AP2A1: variants seen among roughly 807,000 people sequenced by gnomAD.
AP2A1 encodes the protein AP-2 complex subunit alpha-1.
In AP2A1, 21 loss-of-function variants were observed where a neutral mutation model predicts 107.3. That is an observed-to-expected ratio of 0.20 (90% CI 0.14 to 0.28). AP2A1 has a LOEUF of 0.28. Among genes scored for constraint, AP2A1 ranks in the 10% least tolerant of loss-of-function variants. AP2A1 has a pLI of 1.00. For synonymous variants in AP2A1, 602 were observed against 564.8 expected (o/e 1.07, Z -0.93); for missense variants, 873 against 1,307.7 (o/e 0.67, Z 5.13).
chr19:49,786,750 G>A (rs2084741980), intron 4 of AP2A1, among the ~76,000 whole-genome samples: 1 of 152,198 alleles, frequency 6.6e-6, no homozygotes, highest in Non-Finnish European at 1.5e-5. Context: ...CATCAGCTTG[G>A]GGGAGACAGA....
chr19:49,802,410 C>A, intron 15 of AP2A1: 1 of 1,025,248 alleles, frequency 9.8e-7, no homozygotes, highest in South Asian at 1.4e-5. Flanking sequence ...TTCCTTTTCT[C>A]CTTCTCTCCT....
chr19:49,779,487 C>CAAAAAAAAAAAAAA (rs370114853), intron 1 of AP2A1, among the ~76,000 whole-genome samples: 2 of 83,976 alleles, frequency 2.4e-5, no homozygotes, highest in Admixed American at 1.5e-4. Context: ...GCCTGGGCTA[C>CAAAAAAAAAAAAAA]AAAAAAAAAA....
At chr19:49,794,639 T>C (rs1459371021) in intron 6 of AP2A1, among the ~76,000 whole-genome samples, 1 of 151,998 alleles carries the variant, frequency 6.6e-6, no homozygotes, top group Non-Finnish European at 1.5e-5. Flanking sequence ...AATAGGAGTT[T>C]GCAATGAGGA....
rs773220772 is a variant in AP2A1, at chr19:49,791,965, G to A, written c.504G>A (p.Ala168=). ...GCATGGACAGTGTCAAGCAGAGTGC[G>A]GCCCTGTGCCTCCTTCGACTGTACA... is the stretch of plus-strand genomic sequence containing the variant. The part of the protein sequence containing the change: ...GDSMDSVKQS[A]ALCLLRLYKA... The change falls in exon 5 of 23, where the codon GCG becomes GCA. Residue 168 remains alanine, a synonymous_variant. Transcript: ENST00000354293. The A allele has an allele frequency of 2.5e-6, 4 of 1,611,640 alleles. No homozygotes were observed. Among genetic ancestry groups the A allele is most frequent in the East Asian group, 4.5e-5 (2 of 44,824 alleles).
At chr19:49,792,216 C>T (rs1203232192) in intron 5 of AP2A1, among the ~76,000 whole-genome samples, 152 bp downstream of exon 5, 4 of 145,116 alleles carry the variant, frequency 2.8e-5, no homozygotes, top group Non-Finnish European at 6.1e-5. Context: ...GCCCGGGGCT[C>T]CCACCTCAGC....
chr19:49,798,040 C>G (rs962989920), intron 7 of AP2A1, among the ~76,000 whole-genome samples: 2 of 152,220 alleles, frequency 1.3e-5, no homozygotes, highest in Non-Finnish European at 2.9e-5. Flanking sequence ...CGACTGGGCT[C>G]ATTGCTGCCT....
rs746326128 is a variant in AP2A1, at chr19:49,801,377, C to T, written c.1554-13C>T. On this transcript the variant is annotated splice_polypyrimidine_tract_variant and intron_variant, in intron 12 of 22. Transcript: ENST00000354293. ...TGGAACCTGGCCCCGCTGACACCCA[C>T]TCCTGCACACAGCCCCCCAGTGCAG... is the stretch of plus-strand genomic sequence containing the variant. The T allele has an allele frequency of 1.1e-5, 18 of 1,610,450 alleles. No homozygotes were observed. Among genetic ancestry groups the T allele is most frequent in the Non-Finnish European group, 1.4e-5 (17 of 1,178,184 alleles).
intron 1 of AP2A1, among the ~76,000 whole-genome samples, chr19:49,778,222 A>C (rs2084636702): frequency 6.6e-6 from 1 of 152,160 alleles, no homozygotes; most frequent in Non-Finnish European, 1.5e-5. Flanking sequence ...GTGCTTACAC[A>C]AATTGAGATG....
rs34194805 is a variant in AP2A1, at chr19:49,779,336, C to CA, written c.68-2400dup. Among the ~76,000 whole-genome samples, 548 of 79,406 alleles carry CA rather than the reference C, an allele frequency of 6.9e-3. 4 individuals carry two copies. Among genetic ancestry groups the CA allele is most frequent in the African/African-American group, 9.0e-3 (177 of 19,662 alleles). The allele number at this position is 79,406 out of a possible 152,430, so 52.1% of individuals were successfully genotyped here. ...TGGGTGACACAGTGAGACTCCGTCTCAAAAAAAAAAAAAAAAAAAAATTAG... is the reference window on the plus strand; with the variant it reads ...TGGGTGACACAGTGAGACTCCGTCTCAAAAAAAAAAAAAAAAAAAAAATTAG... On this transcript the variant is annotated intron_variant, in intron 1 of 22. Coordinates refer to ENST00000354293, the MANE Select transcript of AP2A1 (RefSeq NM_130787.3).
At chr19:49,798,750 T>C in intron 7 of AP2A1, 52 bp from the exon 8 acceptor site, 1 of 1,572,294 alleles carries the variant, frequency 6.4e-7, no homozygotes, top group South Asian at 1.2e-5. Flanking sequence ...CCCCAGCAGG[T>C]GTGCCAGGTG....
chr19:49,797,440 C>T (rs1342757490), intron 7 of AP2A1: 2 of 152,118 alleles, frequency 1.3e-5, no homozygotes, highest in African/African-American at 2.4e-5. Context: ...ATATGTTGTT[C>T]TGGGCCAGGC....
chr19:49,773,158 G>A (rs1047597070), intron 1 of AP2A1, among the ~76,000 whole-genome samples: 3 of 152,170 alleles, frequency 2.0e-5, no homozygotes, highest in African/African-American at 7.2e-5. Context: ...AGATAAGGAG[G>A]GGGAGAGGTT....
In AP2A1 at chr19:49,807,021, C is replaced by CA; in HGVS notation, c.*263_*264insA. ...GGGGCCAGGGAAGTGGATGTCTCCT[C>CA]CCCTCCCACCCCACCCTGTTGTAGC... On this transcript the variant is annotated 3_prime_UTR_variant, in exon 23 of 23. Transcript: ENST00000354293. The CA allele has an allele frequency of 1.0e-6, 1 of 960,862 alleles. No homozygotes were observed. Among genetic ancestry groups the CA allele is most frequent in the Admixed American group, 2.2e-5 (1 of 46,404 alleles). 59.5% of individuals were successfully genotyped at this position (960,862 alleles called of 1,614,324 possible).
chr19:49,806,107 C>G lies in AP2A1; in HGVS notation c.2656-12C>G, dbSNP rs751706819. 9.6e-6 allele frequency: 15 copies of G among 1,568,112 alleles called. No homozygotes were observed. In the Middle Eastern group the frequency reaches 5.0e-4, roughly 52 times the overall value. ...CTCTGGCACACTCTGACGGCGCCCC[C>G]CCTCCTCCCAGCTTCTGGGGTTTGG... On this transcript the variant is annotated splice_polypyrimidine_tract_variant and intron_variant, in intron 21 of 22. Coordinates refer to ENST00000354293, the MANE Select transcript of AP2A1 (RefSeq NM_130787.3).
At position 49,803,327 on chromosome 19, in the gene AP2A1, G is replaced by T; in HGVS notation, c.2295G>T (p.Gln765His). Residue 765 changes from glutamine to histidine, a missense_variant, in exon 18 of 23, where the codon CAG becomes CAT. This residue lies in a region of AP2A1 where 416 missense variants were observed against 473.4 expected (regional missense o/e 0.88). Coordinates refer to ENST00000354293, the MANE Select transcript of AP2A1 (RefSeq NM_130787.3). ...YLFYGNKTSVQFQNFSPTVVH... is the reference protein window; with the variant it reads ...YLFYGNKTSVHFQNFSPTVVH... ...TCTATGGCAACAAGACCTCGGTGCAGTTCCAGAATTTCTCACCCACTGTGG... is the reference window on the plus strand; with the variant it reads ...TCTATGGCAACAAGACCTCGGTGCATTTCCAGAATTTCTCACCCACTGTGG... The T allele has an allele frequency of 6.2e-7, 1 of 1,613,924 alleles. No individual in the cohort carries two copies. The highest frequency in any genetic ancestry group is 8.5e-7 in the Non-Finnish European group (1 of 1,179,890).
chr19:49,767,243 G>A (rs2084511979), intron 1 of AP2A1, 43 bp downstream of exon 1: 2 of 1,604,488 alleles, frequency 1.2e-6, no homozygotes, highest in Non-Finnish European at 1.7e-6. Context: ...GGGGGAGGGG[G>A]GAGCGTGAAA....
In AP2A1 at chr19:49,806,943, G is replaced by C. The variant is rs762816741; in HGVS notation, c.*185G>C. 11 of 1,534,002 alleles carry C rather than the reference G, an allele frequency of 7.2e-6. No individual in the cohort carries two copies. The South Asian group carries it at 1.2e-4, about 17-fold the overall frequency. On this transcript the variant is annotated 3_prime_UTR_variant, in exon 23 of 23. Coordinates refer to ENST00000354293, the MANE Select transcript of AP2A1 (RefSeq NM_130787.3). ...CATCTGCTGCTGTTTACATTCTGGG[G>C]GGTTAGGGGGAGTCCCCCTCCCTCC...
intron 4 of AP2A1, among the ~76,000 whole-genome samples, chr19:49,783,573 C>G (rs2084702912): frequency 6.6e-6 from 1 of 152,110 alleles, no homozygotes; most frequent in Admixed American, 6.6e-5. Flanking sequence ...AGAGGAAAGA[C>G]AATATTATTT....
intron 1 of AP2A1, among the ~76,000 whole-genome samples, chr19:49,769,214 G>T (rs1390318041): frequency 6.6e-6 from 1 of 151,884 alleles, no homozygotes; most frequent in Non-Finnish European, 1.5e-5. Flanking sequence ...TCACACCATT[G>T]CACTCCAGGC....
Sources: allele counts gnomAD v4.1 joint callset (sites outside exome capture counted in the v4.1 genomes callset), GRCh38; gene constraint gnomAD v4.1.1; regional missense constraint gnomAD v4.1.1; transcripts MANE v1.5; gene names NCBI Gene and HGNC (gene_info 2026-07-23, HGNC 2026-07-21).